HDLBP: variants seen among roughly 807,000 people sequenced by gnomAD.
HDLBP encodes the protein high density lipoprotein binding protein.
HDLBP carries 30 observed loss-of-function variants against 137.3 expected under a neutral mutation model. That is an observed-to-expected ratio of 0.22 (90% CI 0.16 to 0.30). The LOEUF (loss-of-function observed/expected upper bound fraction) is 0.30, where lower values mean the gene tolerates loss of function less well. HDLBP is among the 10% of genes least tolerant of loss of function. HDLBP has a pLI of 1.00. For missense variants in HDLBP, 1,119 were observed against 1,667.3 expected (o/e 0.67, Z 5.73); for synonymous variants, 606 against 596.0 (o/e 1.02, Z -0.24).
At position 241,253,474 on chromosome 2, in the gene HDLBP, G is replaced by A. The variant is rs754146707; in HGVS notation, c.1212C>T (p.Gly404=). The A allele has an allele frequency of 1.1e-5, 17 of 1,612,718 alleles. No homozygotes were observed. Among genetic ancestry groups the A allele is most frequent in the East Asian group, 2.2e-5 (1 of 44,870 alleles). ...GGCCCTCCAGGGTGATCTTGTCTTC[G>A]CCCTCTGTGAACTCGATGTGAACCT... is the stretch of plus-strand genomic sequence containing the variant. ...MPKVHIEFTE[G]EDKITLEGPT... The change falls in exon 10 of 28, where the codon GGC becomes GGT. Residue 404 remains glycine (G), a synonymous_variant. Coordinates refer to ENST00000310931, the MANE Select transcript of HDLBP (RefSeq NM_005336.6).
intron 1 of HDLBP, among the ~76,000 whole-genome samples, chr2:241,295,838 G>A (rs1473388456): frequency 6.6e-6 from 1 of 152,184 alleles, no homozygotes; most frequent in Non-Finnish European, 1.5e-5. Flanking sequence ...GCCAAGGACT[G>A]TGGGGCAGGA....
At position 241,298,700 on chromosome 2, in the gene HDLBP, T is replaced by G. The variant is rs75087674; in HGVS notation, c.-103+16870A>C. Among the ~76,000 whole-genome samples the G allele has an allele frequency of 6.6e-5, 10 of 152,300 alleles. No homozygotes were observed. The East Asian group carries it at 1.9e-3, about 29-fold the overall frequency. Reference sequence around the variant, plus strand: ...AAGCAAGTAAAGTGCACATCACCACTAAGGGGACTAACTGAATTCTGCACC... The same window carrying G: ...AAGCAAGTAAAGTGCACATCACCACGAAGGGGACTAACTGAATTCTGCACC... On this transcript the variant is annotated intron_variant, in intron 1 of 27. Coordinates refer to ENST00000310931, the MANE Select transcript of HDLBP (RefSeq NM_005336.6).
At position 241,229,635 on chromosome 2, in the gene HDLBP, G is replaced by A. The variant is rs1381627134; in HGVS notation, c.3773C>T (p.Ala1258Val). 6.2e-7 allele frequency: 1 copy of A among 1,614,100 alleles called. No individual in the cohort carries two copies. Among genetic ancestry groups the A allele is most frequent in the East Asian group, 2.2e-5 (1 of 44,880 alleles). Residue 1258 changes from alanine to valine, a missense_variant, in exon 28 of 28, where the codon GCT becomes GTT. Ala to Val is a moderately conservative substitution (Grantham distance 64). Coordinates refer to ENST00000310931, the MANE Select transcript of HDLBP (RefSeq NM_005336.6). ...GGGGCCCCAAGGGAGGGTCTTGGGA[G>A]CCACCTGAGCCCCAAAGCTGGGAAA... is the stretch of plus-strand genomic sequence containing the variant. ...EEFPSFGAQV[A>V]PKTLPWGPKR
At chr2:241,248,646 G>A (rs1319720105) in intron 12 of HDLBP, among the ~76,000 whole-genome samples, 3 of 152,156 alleles carry the variant, frequency 2.0e-5, no homozygotes, top group Non-Finnish European at 4.4e-5. Context: ...GTGCTATCAT[G>A]ATAGCAGTAA....
intron 5 of HDLBP, among the ~76,000 whole-genome samples, chr2:241,261,590 T>C (rs1018177693): frequency 6.6e-6 from 1 of 152,192 alleles, no homozygotes; most frequent in Non-Finnish European, 1.5e-5. Flanking sequence ...CAGTGTTGAT[T>C]ACAAAACAGA....
rs1367200564 is a variant in HDLBP, at chr2:241,255,243, A to G, written c.1081-85T>C. On this transcript the variant is annotated intron_variant, in intron 8 of 27. Transcript: ENST00000310931. ...GCCAGGCTGCTCACCTGGGGCTCAG[A>G]GGCACGCTCTCCCCAAACCTGGGCA... The G allele has an allele frequency of 3.3e-5, 47 of 1,441,070 alleles. No homozygotes were observed. The Admixed American group carries it at 7.9e-4, about 24-fold the overall frequency. The allele number at this position is 1,441,070 out of a possible 1,614,324, so 89.3% of individuals were successfully genotyped here.
At chr2:241,303,656 A>G (rs1253873787) in intron 1 of HDLBP, among the ~76,000 whole-genome samples, 3 of 152,196 alleles carry the variant, frequency 2.0e-5, no homozygotes, top group Non-Finnish European at 4.4e-5. Context: ...CACATTCAAC[A>G]GTCATCCAAG....
intron 1 of HDLBP, among the ~76,000 whole-genome samples, chr2:241,314,123 G>C (rs899727505): frequency 1.3e-5 from 2 of 152,172 alleles, no homozygotes; most frequent in African/African-American, 4.8e-5. Flanking sequence ...CAGAGATTCG[G>C]TAATCCAAAT....
chr2:241,240,202 C>G lies in HDLBP; in HGVS notation c.2170-80G>C, dbSNP rs1255120564. 1 of 1,398,182 alleles carries G rather than the reference C, an allele frequency of 7.2e-7. No individual in the cohort carries two copies. The allele number at this position is 1,398,182 out of a possible 1,614,324, so 86.6% of individuals were successfully genotyped here. ...GAGGAAGACAAGAGGGTCTGTAGGA[C>G]AGCAAGCTCGGGCTCCCCTTACATT... On this transcript the variant is annotated intron_variant, in intron 17 of 27. Coordinates refer to ENST00000310931, the MANE Select transcript of HDLBP (RefSeq NM_005336.6). The surrounding 1 kb of genome is among the most constrained non-coding windows in gnomAD (Gnocchi z 5.5).
chr2:241,247,409 G>T, intron 14 of HDLBP: 1 of 481,268 alleles, frequency 2.1e-6, no homozygotes, highest in Non-Finnish European at 3.8e-6. Context: ...TTAAGGAAGG[G>T]GCTCAGAACA....
intron 1 of HDLBP, among the ~76,000 whole-genome samples, chr2:241,293,891 C>A: frequency 1.4e-5 from 2 of 144,658 alleles, no homozygotes; most frequent in African/African-American, 5.1e-5. Flanking sequence ...CACTGCAATC[C>A]AGCCTGGGTG....
At chr2:241,308,691 G>A (rs558855420) in intron 1 of HDLBP, among the ~76,000 whole-genome samples, 1 of 152,330 alleles carries the variant, frequency 6.6e-6, no homozygotes, top group South Asian at 2.1e-4. Context: ...CAGTGAAGTA[G>A]CTGAAGGCAC....
At chr2:241,280,777 T>C (rs1325587295) in intron 1 of HDLBP, among the ~76,000 whole-genome samples, 1 of 152,212 alleles carries the variant, frequency 6.6e-6, no homozygotes, top group Non-Finnish European at 1.5e-5. Context: ...TTTCTAAGTT[T>C]TGGGGCCTTT....
intron 2 of HDLBP, chr2:241,267,561 A>G: frequency 6.5e-7 from 1 of 1,534,852 alleles, no homozygotes; most frequent in South Asian, 1.2e-5. Flanking sequence ...TATTCTGTCA[A>G]TTTGCTCACC....
chr2:241,231,383 C>CA (rs59422734), intron 24 of HDLBP: 7,119 of 104,550 alleles, frequency 0.068, 594 homozygotes, highest in African/African-American at 0.2. Flanking sequence ...AACTCCATCT[C>CA]AAAAAAAAAA....
intron 1 of HDLBP, among the ~76,000 whole-genome samples, chr2:241,299,786 G>C (rs960861316): frequency 2.6e-5 from 4 of 151,866 alleles, no homozygotes; most frequent in Admixed American, 1.3e-4. Context: ...ATGATGGCGG[G>C]CACCCATAGT....
rs1258634146 is a variant in HDLBP, at chr2:241,228,788, T to G, written c.*813A>C. 4 of 152,848 alleles carry G rather than the reference T, an allele frequency of 2.6e-5. No individual in the cohort carries two copies. The highest frequency in any genetic ancestry group is 9.7e-5 in the African/African-American group (4 of 41,418). 9.5% of individuals were successfully genotyped at this position (152,848 alleles called of 1,614,324 possible). A position where few individuals can be genotyped will look rare whatever the true frequency, so the allele number is the denominator to read the frequency against. On this transcript the variant is annotated 3_prime_UTR_variant, in exon 28 of 28. Transcript: ENST00000310931. ...AGCCCAGCTGTCATCTAAGGCAAAC[T>G]GCCCCCACTGAGGACAAGCGTAAGG... is the stretch of plus-strand genomic sequence containing the variant.
intron 1 of HDLBP, among the ~76,000 whole-genome samples, chr2:241,293,014 G>A (rs770918802): frequency 2.0e-5 from 3 of 150,476 alleles, no homozygotes; most frequent in Non-Finnish European, 4.5e-5. Context: ...GCAACAAAGC[G>A]AGACCCCGTC....
At chr2:241,277,718 T>G (rs1007061723) in intron 1 of HDLBP, among the ~76,000 whole-genome samples, 5 of 152,142 alleles carry the variant, frequency 3.3e-5, no homozygotes, top group African/African-American at 1.2e-4. Flanking sequence ...TCCCAGCACT[T>G]TGGGAGGCCG....
Sources: allele counts gnomAD v4.1 joint callset (sites outside exome capture counted in the v4.1 genomes callset), GRCh38; gene constraint gnomAD v4.1.1; non-coding constraint Gnocchi (gnomAD v3.1); transcripts MANE v1.5; gene names NCBI Gene and HGNC (gene_info 2026-07-23, HGNC 2026-07-21).